TMPRSS11D: variants seen among roughly 807,000 people sequenced by gnomAD.
The protein encoded by TMPRSS11D is transmembrane serine protease 11D.
In TMPRSS11D, 32 loss-of-function variants were observed where a neutral mutation model predicts 44.4. The ratio of observed to expected loss-of-function variants is 0.72; its 90% CI spans 0.54 to 0.97. TMPRSS11D has a LOEUF of 0.97. Ranked by LOEUF, TMPRSS11D falls within the 50% of genes least tolerant of loss-of-function variation. The pLI is 0.00. For missense variants in TMPRSS11D, 446 were observed against 502.6 expected (o/e 0.89, Z 1.08); for synonymous variants, 179 against 177.9 (o/e 1.01, Z -0.05).
intron 1 of TMPRSS11D, among the ~76,000 whole-genome samples, chr4:67,864,423 C>T (rs1230768105): frequency 6.6e-6 from 1 of 151,756 alleles, no homozygotes; most frequent in Non-Finnish European, 1.5e-5. Context: ...AATGAAAGAT[C>T]GATACTCACC....
intron 1 of TMPRSS11D, among the ~76,000 whole-genome samples, chr4:67,860,875 C>T (rs991552760): frequency 8.6e-5 from 13 of 152,044 alleles, no homozygotes; most frequent in Admixed American, 7.2e-4. Context: ...ATTGTTTGGG[C>T]TCTACTCAAC....
At chr4:67,851,594 T>G (rs1224135462) in intron 3 of TMPRSS11D, among the ~76,000 whole-genome samples, 1 of 152,184 alleles carries the variant, frequency 6.6e-6, no homozygotes, top group Non-Finnish European at 1.5e-5. Context: ...ATTGTTCATC[T>G]TGTATCTTTA....
At chr4:67,851,152 ATG>A (rs1718498979) in intron 3 of TMPRSS11D, among the ~76,000 whole-genome samples, 1 of 152,188 alleles carries the variant, frequency 6.6e-6, no homozygotes, top group Non-Finnish European at 1.5e-5. Flanking sequence ...CTACTACTGT[ATG>A]TGTCTGGGAG....
intron 6 of TMPRSS11D, among the ~76,000 whole-genome samples, chr4:67,834,722 A>T (rs889910369): frequency 7.9e-5 from 12 of 152,142 alleles, no homozygotes; most frequent in Non-Finnish European, 1.8e-4. Context: ...TGGTTAGGAG[A>T]AGCTACATAA....
chr4:67,826,469 C>T (rs1350477648), intron 8 of TMPRSS11D, among the ~76,000 whole-genome samples: 1 of 152,172 alleles, frequency 6.6e-6, no homozygotes, highest in Non-Finnish European at 1.5e-5. Flanking sequence ...TACCCTTCCA[C>T]TCCTTCGCTG....
At chr4:67,864,053 C>A (rs939046751) in intron 1 of TMPRSS11D, among the ~76,000 whole-genome samples, 1 of 151,700 alleles carries the variant, frequency 6.6e-6, no homozygotes, top group African/African-American at 2.4e-5. Flanking sequence ...GGCTAAATAA[C>A]CATAAAAAAC....
intron 7 of TMPRSS11D, among the ~76,000 whole-genome samples, chr4:67,828,503 T>C (rs1717863085): frequency 6.6e-6 from 1 of 152,070 alleles, no homozygotes; most frequent in African/African-American, 2.4e-5. Context: ...GACCAACAAT[T>C]AACTGTGAGA....
intron 1 of TMPRSS11D, among the ~76,000 whole-genome samples, chr4:67,870,843 CT>C (rs1719043928): frequency 6.6e-6 from 1 of 151,072 alleles, no homozygotes; most frequent in Non-Finnish European, 1.5e-5. Context: ...TGCACCTCCT[CT>C]CTCTGCTTTA....
At chr4:67,871,571 G>A (rs985223166) in intron 1 of TMPRSS11D, among the ~76,000 whole-genome samples, 10 of 152,286 alleles carry the variant, frequency 6.6e-5, no homozygotes, top group African/African-American at 2.2e-4. Flanking sequence ...ATAGATGTCT[G>A]AAGACTACTT....
rs539146969 is a variant in TMPRSS11D at position 67,826,713 on chromosome 4, C to T, written c.952+548G>A. Among the ~76,000 whole-genome samples, 4 of 146,278 alleles carry T rather than the reference C, an allele frequency of 2.7e-5. No homozygotes were observed. The East Asian group carries it at 8.1e-4, about 30-fold the overall frequency. ...ACAAGGCAGGAGGATGGCTTGAGGGCAGGAATTCCAGACCAGCCTGGGCAA... is the reference window on the plus strand; with the variant it reads ...ACAAGGCAGGAGGATGGCTTGAGGGTAGGAATTCCAGACCAGCCTGGGCAA... On this transcript the variant is annotated intron_variant, in intron 8 of 9. Transcript: ENST00000283916.
chr4:67,823,810 A>T (rs1214067926), intron 9 of TMPRSS11D, among the ~76,000 whole-genome samples: 1 of 151,612 alleles, frequency 6.6e-6, no homozygotes, highest in Non-Finnish European at 1.5e-5. Context: ...TCTTTATATT[A>T]TTGTTTTTGT....
intron 3 of TMPRSS11D, among the ~76,000 whole-genome samples, chr4:67,845,935 T>C (rs1718345691): frequency 6.6e-6 from 1 of 152,198 alleles, no homozygotes; most frequent in Non-Finnish European, 1.5e-5. Context: ...ATATTTTTCA[T>C]GGCTGCAATA....
chr4:67,830,004 T>A (rs1047767059), intron 7 of TMPRSS11D, among the ~76,000 whole-genome samples: 4 of 152,022 alleles, frequency 2.6e-5, no homozygotes, highest in Non-Finnish European at 5.9e-5. Flanking sequence ...TAAGTACAAA[T>A]ATTTTGTGTG....
intron 7 of TMPRSS11D, among the ~76,000 whole-genome samples, chr4:67,831,858 A>G (rs1367114390): frequency 1.3e-5 from 2 of 152,184 alleles, no homozygotes; most frequent in African/African-American, 2.4e-5. Flanking sequence ...TAAAATTACC[A>G]TAAGAAAAAT....
chr4:67,841,578 T>C (rs572579145), intron 4 of TMPRSS11D, among the ~76,000 whole-genome samples: 3 of 152,222 alleles, frequency 2.0e-5, no homozygotes, highest in East Asian at 3.9e-4. Flanking sequence ...GATTGAGTGA[T>C]AAGTGGGAAG....
chr4:67,882,875 A>G (rs2109709898), intron 1 of TMPRSS11D, among the ~76,000 whole-genome samples: 1 of 152,128 alleles, frequency 6.6e-6, no homozygotes, highest in African/African-American at 2.4e-5. Context: ...TTTTTTTCAC[A>G]TAAAATAAGA....
rs568904821 is a variant in TMPRSS11D at position 67,845,564 on chromosome 4, C to A, written c.250-2939G>T. On this transcript the variant is annotated intron_variant, in intron 3 of 9. Transcript: ENST00000283916. ...ATCTACTTTTCATAAGTTTTACATT[C>A]AATCTTTTAGCCTTTTCCCTCCCTC... is the stretch of plus-strand genomic sequence containing the variant. Among the ~76,000 whole-genome samples, 5 of 152,224 alleles carry A rather than the reference C, an allele frequency of 3.3e-5. No homozygotes were observed. In the South Asian group the frequency reaches 1.0e-3, roughly 32 times the overall value.
In TMPRSS11D at chr4:67,838,179, C is replaced by G. The variant is rs549960939; in HGVS notation, c.468G>C (p.Glu156Asp). 3.5e-5 allele frequency: 53 copies of G among 1,535,458 alleles called. 1 individual carries two copies. The South Asian group carries it at 6.2e-4, about 18-fold the overall frequency. Residue 156 changes from glutamate to aspartate, a missense_variant, in exon 5 of 10, where the codon GAG (glutamate) becomes GAC (aspartate). Physicochemically the swap from Glu to Asp is conservative, Grantham distance 45. Coordinates refer to ENST00000283916, the MANE Select transcript of TMPRSS11D (RefSeq NM_004262.3). ...SGNLEINPST[E>D]ITSLTDQAAA... ...ATGAAAAATTATACTTACATGTTAT[C>G]TCAGTTGAAGGGTTTATTTCCAGGT...
chr4:67,875,395 C>A (rs1056476934), intron 1 of TMPRSS11D, among the ~76,000 whole-genome samples: 2 of 152,246 alleles, frequency 1.3e-5, no homozygotes, highest in Middle Eastern at 3.4e-3. Context: ...ACCTTCACAC[C>A]GTTCTCTCCA....
Sources: gnomAD v4.1 joint callset for allele counts (sites outside exome capture counted in the v4.1 genomes callset) on GRCh38, gnomAD v4.1.1 for gene constraint, MANE v1.5 for transcripts, NCBI Gene and HGNC (gene_info 2026-07-23, HGNC 2026-07-21) for gene names.